Variants in LTBP4 observed in about 807,000 individuals in gnomAD.
The protein encoded by LTBP4 is latent transforming growth factor beta binding protein 4, also known as latent-transforming growth factor beta-binding protein 4.
LTBP4 carries 93 observed loss-of-function variants against 180.2 expected under a neutral mutation model. The ratio of observed to expected loss-of-function variants is 0.52; its 90% CI spans 0.44 to 0.61. LTBP4 has a LOEUF of 0.61. Among genes scored for constraint, LTBP4 ranks in the 20% least tolerant of loss-of-function variants. The pLI is 0.00. For missense variants in LTBP4, 2,116 were observed against 2,256.5 expected (o/e 0.94, Z 1.26); for synonymous variants, 947 against 934.5 (o/e 1.01, Z -0.24).
intron 27 of LTBP4, among the ~76,000 whole-genome samples, chr19:40,626,593 C>T (rs756105956): frequency 6.6e-6 from 1 of 152,090 alleles, no homozygotes; most frequent in Non-Finnish European, 1.5e-5. Context: ...CCTGGGTCCT[C>T]AGACCTCCAG....
In LTBP4 at chr19:40,629,440, G is replaced by A. The variant is rs778799806; in HGVS notation, c.4564G>A (p.Val1522Ile). ...DEAEAASPLC[V>I]NARCLNTDGS... ...GGCCGAGGCTGCCTCCCCGCTGTGCGTCAACGCGCGTTGCCTCAACACGGA... is the reference window on the plus strand; with the variant it reads ...GGCCGAGGCTGCCTCCCCGCTGTGCATCAACGCGCGTTGCCTCAACACGGA... The change falls in exon 30 of 30, where the codon GTC becomes ATC. Residue 1522 changes from valine to isoleucine, a missense_variant. By Grantham distance (29) the Val-to-Ile change is conservative. This residue lies in a region of LTBP4 where 488 missense variants were observed against 458.8 expected (regional missense o/e 1.06). Coordinates refer to ENST00000396819, the MANE Select transcript of LTBP4 (RefSeq NM_001042545.2). This position sits in a 1 kb window ranked among gnomAD's most constrained non-coding sequence, Gnocchi z 4.5. 6.2e-7 allele frequency: 1 copy of A among 1,612,642 alleles called. No homozygotes were observed. Among genetic ancestry groups the A allele is most frequent in the Admixed American group, 1.7e-5 (1 of 60,014 alleles).
intron 1 of LTBP4, among the ~76,000 whole-genome samples, chr19:40,602,522 G>T (rs2081431839): frequency 6.6e-6 from 1 of 152,058 alleles, no homozygotes; most frequent in Non-Finnish European, 1.5e-5. Flanking sequence ...CAGCCCGGCC[G>T]GCGTGAGCTC....
In LTBP4 at chr19:40,611,181, C is replaced by G. The variant is rs768358241; in HGVS notation, c.1840C>G (p.Leu614Val). The change falls in exon 13 of 30, where the codon CTG becomes GTG. Residue 614 changes from leucine to valine, a missense_variant. This residue lies in a region of LTBP4 where 877 missense variants were observed against 873.6 expected (regional missense o/e 1.00). Transcript: ENST00000396819. The surrounding 1 kb of genome is among the most constrained non-coding windows in gnomAD (Gnocchi z 4.4). ...DVDECTQSPGLCGRGACKNLP... is the reference protein window; with the variant it reads ...DVDECTQSPGVCGRGACKNLP... ...GGATGAATGCACCCAGAGCCCAGGCCTGTGTGGCCGAGGGGCCTGCAAGAA... is the reference window on the plus strand; with the variant it reads ...GGATGAATGCACCCAGAGCCCAGGCGTGTGTGGCCGAGGGGCCTGCAAGAA... 1.9e-6 allele frequency: 3 copies of G among 1,613,460 alleles called. No homozygotes were observed. The highest frequency in any genetic ancestry group is 1.7e-5 in the Admixed American group (1 of 59,964).
intron 1 of LTBP4, among the ~76,000 whole-genome samples, chr19:40,594,111 G>T (rs898580121): frequency 6.6e-6 from 1 of 152,010 alleles, no homozygotes; most frequent in Non-Finnish European, 1.5e-5. Context: ...AGGGGGTGGG[G>T]GGGGAGAGAG....
At chr19:40,601,248 C>T (rs2081421075), upstream of LTBP4, 1 of 640,092 alleles carries the variant, frequency 1.6e-6, no homozygotes, top group Non-Finnish European at 1.9e-6. Flanking sequence ...CGCCCCCGCG[C>T]GGCCGCCGGG....
At chr19:40,606,786 C>T (rs995114777) in intron 6 of LTBP4, among the ~76,000 whole-genome samples, 21 of 152,104 alleles carry the variant, frequency 1.4e-4, no homozygotes, top group African/African-American at 4.8e-4. Context: ...CTCGCTCTGT[C>T]GCCCAGGCTG....
Position 40,601,510 on chromosome 19 carries a change from C to T in LTBP4, c.123C>T (p.Cys41=), listed in dbSNP as rs370611661. 6.8e-4 allele frequency: 1,019 copies of T among 1,497,404 alleles called. No individual in the cohort carries two copies. The highest frequency in any genetic ancestry group is 8.3e-4 in the Non-Finnish European group (936 of 1,130,230). The allele number at this position is 1,497,404 out of a possible 1,614,324, so 92.8% of individuals were successfully genotyped here. A position where few individuals can be genotyped will look rare whatever the true frequency, so the allele number is the denominator to read the frequency against. ...GCGTGCGCTTCACCCCGGTCGTGTG[C>T]GGCCTGCGCTGCGTCCATGGGCCGA... ...RLRVRFTPVV[C]GLRCVHGPTG... The change falls in exon 1 of 30, where the codon TGC becomes TGT. Residue 41 remains cysteine (C), a synonymous_variant. Coordinates refer to ENST00000396819, the MANE Select transcript of LTBP4 (RefSeq NM_001042545.2).
Position 40,605,332 on chromosome 19 carries a change from C to T in LTBP4, c.443-73C>T, listed in dbSNP as rs2081451561. 1 of 1,590,688 alleles carries T rather than the reference C, an allele frequency of 6.3e-7. No individual in the cohort carries two copies. The highest frequency in any genetic ancestry group is 8.6e-7 in the Non-Finnish European group (1 of 1,167,082). Reference sequence around the variant, plus strand: ...CCCGAGCACCTTTGCCCAGCTCGCCCTCCCCGCCTTGTCTAGCCCCACCCC... The same window carrying T: ...CCCGAGCACCTTTGCCCAGCTCGCCTTCCCCGCCTTGTCTAGCCCCACCCC... On this transcript the variant is annotated intron_variant, in intron 2 of 29. Coordinates refer to ENST00000396819, the MANE Select transcript of LTBP4 (RefSeq NM_001042545.2). The surrounding 1 kb of genome is among the most constrained non-coding windows in gnomAD (Gnocchi z 5.5).
chr19:40,609,538 T>C lies in LTBP4; in HGVS notation c.1435T>C (p.Ser479Pro), dbSNP rs1476815080. 6.2e-7 allele frequency: 1 copy of C among 1,612,876 alleles called. No individual in the cohort carries two copies. Among genetic ancestry groups the C allele is most frequent in the Non-Finnish European group, 8.5e-7 (1 of 1,179,616 alleles). The change falls in exon 10 of 30, where the codon TCC (serine) becomes CCC (proline). Residue 479 changes from serine to proline, a missense_variant. Physicochemically the swap from Ser to Pro is moderately conservative, Grantham distance 74 (BLOSUM62 -1). Around this residue, in one of 5 missense-constraint regions of LTBP4, gnomAD observed 877 missense variants for 873.6 expected, o/e 1.00. Coordinates refer to ENST00000396819, the MANE Select transcript of LTBP4 (RefSeq NM_001042545.2). The surrounding 1 kb of genome is among the most constrained non-coding windows in gnomAD (Gnocchi z 4.9). Reference sequence around the variant, plus strand: ...CTGACTGGACCCCCCAGGTCCCTCCTCCGGCATGTGTCAGCGCAACCCCCA... The same window carrying C: ...CTGACTGGACCCCCCAGGTCCCTCCCCCGGCATGTGTCAGCGCAACCCCCA... ...GPEIPESGPS[S>P]GMCQRNPQVC...
chr19:40,608,419 G>T, intron 8 of LTBP4, 50 bp downstream of exon 8: 1 of 1,601,888 alleles, frequency 6.2e-7, no homozygotes, highest in Non-Finnish European at 8.5e-7. Flanking sequence ...GGCTGCCCCA[G>T]CCCCATAGTG....
chr19:40,624,895 T>C (rs1023554263), intron 26 of LTBP4, among the ~76,000 whole-genome samples: 1 of 151,900 alleles, frequency 6.6e-6, no homozygotes, highest in African/African-American at 2.4e-5. Context: ...ATCTTTGTTT[T>C]CAGGTCCCTT....
At chr19:40,608,737 C>G in intron 9 of LTBP4, 134 bp downstream of exon 9, 2 of 971,604 alleles carry the variant, frequency 2.1e-6, no homozygotes, top group Non-Finnish European at 3.0e-6. Context: ...ATGGCGAAAC[C>G]CTGTCTCTAC....
chr19:40,610,297 C>G (rs1012240406), intron 11 of LTBP4: 2 of 560,744 alleles, frequency 3.6e-6, no homozygotes, highest in Non-Finnish European at 6.3e-6. Context: ...TAGCCCCTAC[C>G]CCACCTTCCC....
intron 18 of LTBP4, 95 bp from the exon 19 acceptor site, chr19:40,614,220 C>G: frequency 6.6e-7 from 1 of 1,508,512 alleles, no homozygotes. Flanking sequence ...CCTCTGCTTC[C>G]CCGGCCTCCC....
In LTBP4 at chr19:40,611,377, CCGGGGCCCCCTGCCAAGGTGA is replaced by C; in HGVS notation, c.2037_2053+4del. On this transcript the variant is annotated splice_donor_variant and splice_donor_region_variant and coding_sequence_variant and intron_variant, in exon 13 of 30. Transcript: ENST00000396819. LOFTEE classifies it high-confidence loss of function. This position sits in a 1 kb window ranked among gnomAD's most constrained non-coding sequence, Gnocchi z 4.4. ...CCTGCTGGCTTCCGCTCCCGAGGGCCCGGGGCCCCCTGCCAAGGTGAGGGTGCTGAGCCCAGCCCTACTCCA... is the reference window on the plus strand; with the variant it reads ...CCTGCTGGCTTCCGCTCCCGAGGGCCGGGTGCTGAGCCCAGCCCTACTCCA... 6.2e-7 allele frequency: 1 copy of C among 1,607,194 alleles called. No individual in the cohort carries two copies.
At chr19:40,628,391 C>T (rs540818638) in intron 29 of LTBP4, among the ~76,000 whole-genome samples, 2 of 152,242 alleles carry the variant, frequency 1.3e-5, no homozygotes, top group South Asian at 4.1e-4. Flanking sequence ...CAAAATTAGC[C>T]GGGTGTGGTG....
rs763058713 is a variant in LTBP4, at chr19:40,607,380, C to T, written c.1007C>T (p.Ser336Leu). Residue 336 changes from serine to leucine, a missense_variant, in exon 7 of 30, where the codon TCA becomes TTA. Transcript: ENST00000396819. ...CTCCTCGCAGCCCAACACGTGATCT[C>T]AGAGGCCAAAGGGCCCTGCTTCCGC... Reference protein sequence around the residue: ...RSSCISQHVISEAKGPCFRVL... With the variant: ...RSSCISQHVILEAKGPCFRVL... 5.0e-6 allele frequency: 8 copies of T among 1,609,836 alleles called. No homozygotes were observed. The Admixed American group carries it at 1.3e-4, about 27-fold the overall frequency.
In LTBP4 at chr19:40,617,040, CG is replaced by C. The variant is rs1568410106; in HGVS notation, c.2944+23del. ...GCCAGGGTGGGTGTCCATCAGGCAT[CG>C]GGTGAGATGTGGAGATGGTAGAAGG... On this transcript the variant is annotated intron_variant, in intron 20 of 29. Coordinates refer to ENST00000396819, the MANE Select transcript of LTBP4 (RefSeq NM_001042545.2). 1 of 1,612,808 alleles carries C rather than the reference CG, an allele frequency of 6.2e-7. No homozygotes were observed. Among genetic ancestry groups the C allele is most frequent in the Non-Finnish European group, 8.5e-7 (1 of 1,178,882 alleles).
chr19:40,606,426 C>A lies in LTBP4; in HGVS notation c.891C>A (p.Gly297=), dbSNP rs374427407. ...CAGATGTGGATGAGTGCGCGACTGG[C>A]GGGCGCTGCCAGCACGGCGAGTGTG... ...SCEDVDECAT[G]GRCQHGECAN... The change falls in exon 6 of 30, where the codon GGC becomes GGA. Residue 297 remains glycine, a synonymous_variant. Transcript: ENST00000396819. 1.9e-6 allele frequency: 3 copies of A among 1,594,400 alleles called. No individual in the cohort carries two copies. Among genetic ancestry groups the A allele is most frequent in the Non-Finnish European group, 2.6e-6 (3 of 1,169,938 alleles).
Sources: gnomAD v4.1 joint callset for allele counts (sites outside exome capture counted in the v4.1 genomes callset) on GRCh38, gnomAD v4.1.1 for gene constraint, gnomAD v4.1.1 regional missense constraint, Gnocchi (gnomAD v3.1) non-coding constraint, MANE v1.5 for transcripts, NCBI Gene and HGNC (gene_info 2026-07-23, HGNC 2026-07-21) for gene names.